Variants in CECR2 observed in about 807,000 individuals in gnomAD.
The protein encoded by CECR2 is chromatin remodeling regulator CECR2.
CECR2 carries 30 observed loss-of-function variants against 154.5 expected under a neutral mutation model. That is an observed-to-expected ratio of 0.19 (90% confidence interval 0.15 to 0.26). The LOEUF is 0.26. CECR2 is among the 10% of genes least tolerant of loss of function. The pLI, the probability that CECR2 is intolerant of heterozygous loss-of-function variation, is 1.00. For synonymous variants in CECR2, 725 were observed against 683.7 expected (o/e 1.06, Z -0.94); for missense variants, 1,743 against 1,829.3 (o/e 0.95, Z 0.86).
At chr22:17,483,929 C>T (rs1480647752) in intron 2 of CECR2, among the ~76,000 whole-genome samples, 1 of 152,156 alleles carries the variant, frequency 6.6e-6, no homozygotes, top group African/African-American at 2.4e-5. Flanking sequence ...GTACCATGTC[C>T]TTACTATACC....
intron 8 of CECR2, among the ~76,000 whole-genome samples, chr22:17,521,596 T>C (rs1036111821): frequency 3.3e-5 from 5 of 152,040 alleles, no homozygotes; most frequent in Admixed American, 6.6e-5. Flanking sequence ...TGGGGTTGTT[T>C]GATTTTTTTT....
intron 9 of CECR2, chr22:17,524,922 C>T (rs1489373247): frequency 1.0e-5 from 4 of 398,474 alleles, no homozygotes; most frequent in Non-Finnish European, 2.0e-5. Context: ...CCGCCTCGGC[C>T]TCCCAAAGTG....
At chr22:17,398,458 T>C (rs888380508) in intron 1 of CECR2, among the ~76,000 whole-genome samples, 1 of 152,142 alleles carries the variant, frequency 6.6e-6, no homozygotes, top group Non-Finnish European at 1.5e-5. Context: ...CAGTAGACAG[T>C]TGAGTGGAGA....
intron 4 of CECR2, among the ~76,000 whole-genome samples, chr22:17,500,135 C>T (rs750279050): frequency 4.0e-5 from 6 of 150,468 alleles, no homozygotes; most frequent in Non-Finnish European, 8.8e-5. Flanking sequence ...GGTGTGAACC[C>T]GGGAGGCTGA....
chr22:17,385,745 T>A (rs2063251630), intron 1 of CECR2, among the ~76,000 whole-genome samples: 1 of 152,106 alleles, frequency 6.6e-6, no homozygotes, highest in Non-Finnish European at 1.5e-5. Context: ...CGGCACGAAA[T>A]CTTCAGTTTG....
At chr22:17,527,256 AAGACC>A (rs2056280864) in intron 9 of CECR2, among the ~76,000 whole-genome samples, 2 of 152,116 alleles carry the variant, frequency 1.3e-5, no homozygotes, top group African/African-American at 4.8e-5. Flanking sequence ...ACAGGAGTTC[AAGACC>A]AGCCTCGGCA....
intron 1 of CECR2, among the ~76,000 whole-genome samples, chr22:17,434,106 A>G (rs2054467286): frequency 6.6e-6 from 1 of 152,188 alleles, no homozygotes; most frequent in South Asian, 2.1e-4. Context: ...TATTTCACTT[A>G]CTTACTCTGT....
At chr22:17,450,521 G>A (rs2054751798) in intron 1 of CECR2, among the ~76,000 whole-genome samples, 1 of 152,158 alleles carries the variant, frequency 6.6e-6, no homozygotes, top group African/African-American at 2.4e-5. Flanking sequence ...CTCCTGCCTC[G>A]GCCTCCCAAA....
intron 1 of CECR2, among the ~76,000 whole-genome samples, chr22:17,402,818 C>T (rs2053917377): frequency 6.9e-6 from 1 of 145,172 alleles, no homozygotes; most frequent in Non-Finnish European, 1.5e-5. Flanking sequence ...AGTGCAGTGG[C>T]GCAATCTCGG....
intron 1 of CECR2, among the ~76,000 whole-genome samples, chr22:17,416,857 T>C (rs1601320747): frequency 1.3e-5 from 2 of 152,304 alleles, no homozygotes; most frequent in East Asian, 3.9e-4. Context: ...CCTTAGATTG[T>C]GTCAGTAGCT....
At chr22:17,537,543 A>G (rs2147010771) in intron 10 of CECR2, among the ~76,000 whole-genome samples, 1 of 152,344 alleles carries the variant, frequency 6.6e-6, no homozygotes, top group Middle Eastern at 3.4e-3. Flanking sequence ...TTCTTTTTAA[A>G]GTAATTACTT....
intron 9 of CECR2, among the ~76,000 whole-genome samples, chr22:17,533,556 A>C (rs992760830): frequency 6.7e-6 from 1 of 150,108 alleles, no homozygotes; most frequent in African/African-American, 2.4e-5. Context: ...CTTGAACCTG[A>C]GAGGCAGAGG....
intron 1 of CECR2, among the ~76,000 whole-genome samples, chr22:17,381,445 G>C (rs1258917573): frequency 6.6e-6 from 1 of 152,162 alleles, no homozygotes; most frequent in Non-Finnish European, 1.5e-5. Flanking sequence ...AGTGCTGCTG[G>C]AGTGAGTGCA....
At chr22:17,465,417 C>A (rs1304476615) in intron 1 of CECR2, among the ~76,000 whole-genome samples, 1 of 152,100 alleles carries the variant, frequency 6.6e-6, no homozygotes, top group African/African-American at 2.4e-5. Flanking sequence ...GCAATCTCCA[C>A]CTCCTGAGTT....
chr22:17,459,139 G>A (rs555020178), intron 1 of CECR2, among the ~76,000 whole-genome samples: 5 of 152,172 alleles, frequency 3.3e-5, no homozygotes, highest in Non-Finnish European at 5.9e-5. Context: ...AGATTCCAAA[G>A]GATTGATTTT....
chr22:17,527,035 T>C (rs1296279441), intron 9 of CECR2, among the ~76,000 whole-genome samples: 1 of 152,140 alleles, frequency 6.6e-6, no homozygotes, highest in African/African-American at 2.4e-5. Context: ...ATTTGCAAAC[T>C]GCCCAGTTGA....
At chr22:17,426,029 C>T (rs890341427) in intron 1 of CECR2, among the ~76,000 whole-genome samples, 1 of 152,164 alleles carries the variant, frequency 6.6e-6, no homozygotes, top group African/African-American at 2.4e-5. Flanking sequence ...AATAAACCCT[C>T]AGGTACCCAT....
At position 17,466,682 on chromosome 22, in the gene CECR2, C is replaced by T. The variant is rs2055038512; in HGVS notation, c.127-10906C>T. On this transcript the variant is annotated intron_variant, in intron 1 of 18. Transcript: ENST00000262608. ...CTATCTCAGCTCACTTCAGCCTGCA[C>T]CTCCCGGGTTCAAGCAATTCTCCTG... Among the ~76,000 whole-genome samples, 7 of 151,134 alleles carry T rather than the reference C, an allele frequency of 4.6e-5. No individual in the cohort carries two copies. The South Asian group carries it at 1.5e-3, about 32-fold the overall frequency.
chr22:17,399,697 C>T (rs1284086750), intron 1 of CECR2, among the ~76,000 whole-genome samples: 2 of 152,026 alleles, frequency 1.3e-5, no homozygotes, highest in South Asian at 2.1e-4. Flanking sequence ...CGTGAGCCAC[C>T]GCACCCAACC....
Sources: allele counts gnomAD v4.1 joint callset (sites outside exome capture counted in the v4.1 genomes callset), GRCh38; gene constraint gnomAD v4.1.1; transcripts MANE v1.5; gene names NCBI Gene and HGNC (gene_info 2026-07-23, HGNC 2026-07-21).